The following DPYD variants were observed in gnomAD, a reference collection of about 807,000 sequenced individuals.
DPYD encodes the protein dihydropyrimidine dehydrogenase.
In DPYD, 109 loss-of-function variants were observed where a neutral mutation model predicts 116.2. The ratio of observed to expected loss-of-function variants is 0.94; its 90% CI spans 0.80 to 1.10. The LOEUF (loss-of-function observed/expected upper bound fraction) is 1.10. Ranked by LOEUF, DPYD falls within the 50% of genes least tolerant of loss-of-function variation. DPYD has a pLI of 0.00. For synonymous variants in DPYD, 440 were observed against 432.0 expected (o/e 1.02, Z -0.23); for missense variants, 1,302 against 1,254.5 (o/e 1.04, Z -0.57).
chr1:97,156,704 T>C (rs1448744704), intron 20 of DPYD, among the ~76,000 whole-genome samples: 1 of 151,934 alleles, frequency 6.6e-6, no homozygotes, highest in African/African-American at 2.4e-5. Context: ...TGGAAGTCAG[T>C]GTGGCTATTC....
chr1:97,379,612 C>A (rs550738349), intron 15 of DPYD, among the ~76,000 whole-genome samples: 17 of 152,306 alleles, frequency 1.1e-4, no homozygotes, highest in African/African-American at 3.6e-4. Context: ...TCCAGGAGCA[C>A]CAGTGCCCAG....
intron 3 of DPYD, chr1:97,774,693 T>G (rs1666307592): frequency 5.4e-6 from 1 of 184,402 alleles, no homozygotes; most frequent in African/African-American, 2.4e-5. Context: ...CACATTCTAC[T>G]GAGAGTTTCA....
chr1:97,427,963 T>A (rs954524913), intron 14 of DPYD, among the ~76,000 whole-genome samples: 2 of 152,160 alleles, frequency 1.3e-5, no homozygotes, highest in African/African-American at 4.8e-5. Flanking sequence ...GTTTCTCTTA[T>A]GTGCAATTCA....
intron 16 of DPYD, among the ~76,000 whole-genome samples, chr1:97,342,481 T>C (rs1172392431): frequency 6.6e-6 from 1 of 152,168 alleles, no homozygotes; most frequent in Non-Finnish European, 1.5e-5. Context: ...TTCATACAGC[T>C]TCACAGTGCT....
intron 16 of DPYD, among the ~76,000 whole-genome samples, chr1:97,357,131 C>T (rs1172752555): frequency 6.6e-6 from 1 of 152,112 alleles, no homozygotes; most frequent in Non-Finnish European, 1.5e-5. Flanking sequence ...TTTTAACAAA[C>T]CAATTCTTCT....
chr1:97,419,117 C>T (rs1674441907), intron 14 of DPYD, among the ~76,000 whole-genome samples: 1 of 152,232 alleles, frequency 6.6e-6, no homozygotes, highest in African/African-American at 2.4e-5. Flanking sequence ...CCCACAGGCA[C>T]CAGAAACTCC....
chr1:97,727,354 A>C (rs1663323295), intron 4 of DPYD, among the ~76,000 whole-genome samples: 1 of 151,764 alleles, frequency 6.6e-6, no homozygotes, highest in East Asian at 1.9e-4. Flanking sequence ...TTCACTTGGG[A>C]AAGATTATTA....
chr1:97,165,999 T>C (rs1179213580), intron 20 of DPYD, among the ~76,000 whole-genome samples: 1 of 152,098 alleles, frequency 6.6e-6, no homozygotes, highest in Non-Finnish European at 1.5e-5. Flanking sequence ...AGTTTAACCA[T>C]TGTGGAAAGC....
At chr1:97,085,416 T>A (rs1181973566) in intron 21 of DPYD, among the ~76,000 whole-genome samples, 1 of 152,250 alleles carries the variant, frequency 6.6e-6, no homozygotes, top group Non-Finnish European at 1.5e-5. Context: ...TATTAAAACA[T>A]CATTGTTTAA....
intron 20 of DPYD, among the ~76,000 whole-genome samples, chr1:97,101,973 T>C (rs948588477): frequency 2.0e-5 from 3 of 151,948 alleles, no homozygotes; most frequent in Non-Finnish European, 4.4e-5. Context: ...TAAAACTGTC[T>C]CTATCCAGAT....
chr1:97,692,122 T>G (rs1302600723), intron 6 of DPYD, among the ~76,000 whole-genome samples: 1 of 152,074 alleles, frequency 6.6e-6, no homozygotes, highest in Non-Finnish European at 1.5e-5. Context: ...TTAATAATAA[T>G]TCTATAAATT....
intron 5 of DPYD, among the ~76,000 whole-genome samples, chr1:97,715,834 C>T (rs1316968518): frequency 6.6e-6 from 1 of 151,988 alleles, no homozygotes; most frequent in Admixed American, 6.6e-5. Context: ...AAATTTATCA[C>T]AGAAATACAT....
chr1:97,871,160 T>C (rs746164422), intron 2 of DPYD, among the ~76,000 whole-genome samples: 2 of 152,056 alleles, frequency 1.3e-5, no homozygotes, highest in East Asian at 3.9e-4. Context: ...TTTGTTTTCA[T>C]AGAAATAGTC....
chr1:97,830,255 A>G (rs1219459732), intron 2 of DPYD, among the ~76,000 whole-genome samples: 1 of 152,178 alleles, frequency 6.6e-6, no homozygotes, highest in African/African-American at 2.4e-5. Context: ...GGCCTCCACC[A>G]CTGTAGAGGA....
chr1:97,270,999 A>G (rs78320085), intron 18 of DPYD, among the ~76,000 whole-genome samples: 1 of 152,238 alleles, frequency 6.6e-6, no homozygotes, highest in Non-Finnish European at 1.5e-5. Flanking sequence ...GTAACCACAC[A>G]AAATGATAAG....
chr1:97,639,017 T>C lies in DPYD; in HGVS notation c.850+40078A>G, dbSNP rs143397467. Among the ~76,000 whole-genome samples, 92 of 152,252 alleles carry C rather than the reference T, an allele frequency of 6.0e-4. No homozygotes were observed. The East Asian group carries it at 0.017, about 28-fold the overall frequency. On this transcript the variant is annotated intron_variant, in intron 8 of 22. Transcript: ENST00000370192. ...ATATATTTTTGAAGCTTTAAAAACA[T>C]ATTTTTAGCCACAGAACAGTCCTGC...
chr1:97,865,000 G>T (rs1415524956), intron 2 of DPYD, among the ~76,000 whole-genome samples: 5 of 150,588 alleles, frequency 3.3e-5, no homozygotes, highest in East Asian at 1.9e-4. Flanking sequence ...TTTTTTTTTT[G>T]AAGTAACAAA....
chr1:97,592,375 C>T (rs1654581754), intron 10 of DPYD, among the ~76,000 whole-genome samples: 1 of 152,074 alleles, frequency 6.6e-6, no homozygotes, highest in African/African-American at 2.4e-5. Context: ...GTTATTATTA[C>T]TATTTTTTTG....
At chr1:97,144,813 T>C (rs1654491704) in intron 20 of DPYD, among the ~76,000 whole-genome samples, 1 of 152,216 alleles carries the variant, frequency 6.6e-6, no homozygotes, top group Admixed American at 6.5e-5. Context: ...GTGATAACAA[T>C]TATTCTTAGC....
Sources: gnomAD v4.1 joint callset for allele counts (sites outside exome capture counted in the v4.1 genomes callset) on GRCh38, gnomAD v4.1.1 for gene constraint, MANE v1.5 for transcripts, NCBI Gene and HGNC (gene_info 2026-07-23, HGNC 2026-07-21) for gene names.